Variants in RGS6 observed in about 807,000 individuals in gnomAD.
RGS6 encodes regulator of G-protein signaling 6.
In RGS6, 30 loss-of-function variants were observed where a neutral mutation model predicts 78.5. The ratio of observed to expected loss-of-function variants is 0.38; its 90% CI spans 0.29 to 0.52. The LOEUF (loss-of-function observed/expected upper bound fraction) is 0.52. Among genes scored for constraint, RGS6 ranks in the 20% least tolerant of loss-of-function variants. The pLI is 0.85. For synonymous variants in RGS6, 206 were observed against 206.0 expected, an observed-to-expected ratio of 1.00 and a Z score of 0.00; for missense variants, 495 against 609.7, an observed-to-expected ratio of 0.81 and a Z score of 1.98.
At chr14:72,413,166 G>A (rs566294662) in intron 3 of RGS6, among the ~76,000 whole-genome samples, 2 of 152,026 alleles carry the variant, frequency 1.3e-5, no homozygotes, top group Non-Finnish European at 2.9e-5. Flanking sequence ...TTGACAGTGG[G>A]GTGTTAAAGT....
In RGS6 at chr14:72,512,660, C is replaced by T. The variant is rs867928426; in HGVS notation, c.1091+2381C>T. Among the ~76,000 whole-genome samples the T allele has an allele frequency of 2.6e-5, 4 of 152,224 alleles. No individual in the cohort carries two copies. In the South Asian group the frequency reaches 8.3e-4, roughly 31 times the overall value. ...AGGGAGGAAAAGGATAGCCAAGAGC[C>T]TCTAAAATCCTCTCTGGATGCCCAA... On this transcript the variant is annotated intron_variant, in intron 14 of 17. Transcript: ENST00000553525.
At chr14:72,629,852 G>A in the RGS6 span, 10 of 855,534 alleles carry the variant, frequency 1.2e-5, no homozygotes, top group African/African-American at 1.7e-5. Context: ...GTAGCATGAC[G>A]TAGGGAAAAA....
intron 2 of RGS6, among the ~76,000 whole-genome samples, chr14:72,161,054 T>G (rs2096845488): frequency 6.6e-6 from 1 of 152,198 alleles, no homozygotes; most frequent in Admixed American, 6.5e-5. Flanking sequence ...TGGAATGCTA[T>G]GCAGCCATAA....
chr14:72,611,809 A>AG, the RGS6 span, among the ~76,000 whole-genome samples: 1 of 152,124 alleles, frequency 6.6e-6, no homozygotes, highest in Non-Finnish European at 1.5e-5. Flanking sequence ...CAGCCTCCAC[A>AG]GGGTAGAAAT....
intron 2 of RGS6, among the ~76,000 whole-genome samples, chr14:72,231,449 G>A (rs2049567298): frequency 6.6e-6 from 1 of 151,976 alleles, no homozygotes; most frequent in South Asian, 2.1e-4. Flanking sequence ...GCCAGGAACT[G>A]TTTTAGGTGC....
the RGS6 span, among the ~76,000 whole-genome samples, chr14:72,625,577 T>C: frequency 2.0e-5 from 3 of 152,188 alleles, no homozygotes; most frequent in Non-Finnish European, 2.9e-5. Flanking sequence ...ACCAATTCCT[T>C]GATGCCATGT....
chr14:71,886,854 C>T, the RGS6 span, among the ~76,000 whole-genome samples: 1 of 152,058 alleles, frequency 6.6e-6, no homozygotes, highest in African/African-American at 2.4e-5. Context: ...CTCGGGGACA[C>T]CTCAATGCAA....
intron 12 of RGS6, among the ~76,000 whole-genome samples, chr14:72,494,102 T>G (rs763133855): frequency 8.5e-5 from 13 of 152,216 alleles, no homozygotes; most frequent in Admixed American, 5.2e-4. Context: ...AGAGGATCTC[T>G]GGGAAACAAG....
chr14:72,419,498 CA>C lies in RGS6; in HGVS notation c.185-35027del, dbSNP rs1464826147. Among the ~76,000 whole-genome samples, 7 of 152,320 alleles carry C rather than the reference CA, an allele frequency of 4.6e-5. No homozygotes were observed. In the East Asian group the frequency reaches 1.4e-3, roughly 29 times the overall value. ...GAGACAGTGCGGGTATACCAGGAACCAAATCCTATCGGCTGAACATCAGTGT... is the reference window on the plus strand; with the variant it reads ...GAGACAGTGCGGGTATACCAGGAACCAATCCTATCGGCTGAACATCAGTGT... On this transcript the variant is annotated intron_variant, in intron 3 of 17. Coordinates refer to ENST00000553525, the MANE Select transcript of RGS6 (RefSeq NM_001204424.2).
chr14:72,510,977 A>C (rs2096871476), intron 14 of RGS6, among the ~76,000 whole-genome samples: 1 of 152,218 alleles, frequency 6.6e-6, no homozygotes, highest in Admixed American at 6.5e-5. Context: ...CCTCAGGTCC[A>C]ATATGAGAGG....
At chr14:72,359,862 T>C (rs1489389627) in intron 3 of RGS6, among the ~76,000 whole-genome samples, 1 of 152,058 alleles carries the variant, frequency 6.6e-6, no homozygotes. Flanking sequence ...ATTGCTGACC[T>C]TGGTAAGTGC....
rs896083506 is a variant in RGS6 at position 72,250,295 on chromosome 14, C to A, written c.85-101800C>A. ...GTTTAATGATTGTTGCACTCTCCTA[C>A]AAATTCTCTTTAAGGAAATTTTCCT... On this transcript the variant is annotated intron_variant, in intron 2 of 17. Coordinates refer to ENST00000553525, the MANE Select transcript of RGS6 (RefSeq NM_001204424.2). 2.7e-5 allele frequency among the ~76,000 whole-genome samples: 4 copies of A among 149,454 alleles called. No individual in the cohort carries two copies. In the Admixed American group the frequency reaches 2.7e-4, roughly 10 times the overall value.
rs561238844 is a variant in RGS6 at position 72,076,215 on chromosome 14, C to T, written c.84+111340C>T. 3.9e-4 allele frequency among the ~76,000 whole-genome samples: 59 copies of T among 152,354 alleles called. 1 individual carries two copies. In the South Asian group the frequency reaches 0.012, roughly 30 times the overall value. ...CACCTTAGCCTGTTCTTCACTCCGC[C>T]ATGATTGAAAGAGGAGAAAATATTC... is the stretch of plus-strand genomic sequence containing the variant. On this transcript the variant is annotated intron_variant, in intron 2 of 17. Coordinates refer to ENST00000553525, the MANE Select transcript of RGS6 (RefSeq NM_001204424.2).
At chr14:72,601,029 G>A in the RGS6 span, among the ~76,000 whole-genome samples, 1 of 149,828 alleles carries the variant, frequency 6.7e-6, no homozygotes, top group Admixed American at 6.6e-5. Flanking sequence ...GGAGGGGGAG[G>A]AGGAAGAGGA....
At chr14:71,878,316 C>T in the RGS6 span, among the ~76,000 whole-genome samples, 34 of 152,306 alleles carry the variant, frequency 2.2e-4, no homozygotes, top group East Asian at 3.3e-3. Flanking sequence ...CCTTTAGCTG[C>T]GGTGGGCTCC....
At chr14:72,361,546 G>T (rs2081457107) in intron 3 of RGS6, among the ~76,000 whole-genome samples, 1 of 152,248 alleles carries the variant, frequency 6.6e-6, no homozygotes, top group Non-Finnish European at 1.5e-5. Flanking sequence ...GTGATTATTG[G>T]CAGGGACAAT....
upstream of RGS6, chr14:71,932,417 G>A (rs1033767025): frequency 6.6e-6 from 1 of 151,584 alleles, no homozygotes; most frequent in Admixed American, 6.6e-5. Context: ...GCAGCTCGCG[G>A]GCCGCGGAGC....
chr14:72,330,992 A>G (rs2074892513), intron 2 of RGS6, among the ~76,000 whole-genome samples: 1 of 152,180 alleles, frequency 6.6e-6, no homozygotes, highest in Admixed American at 6.5e-5. Flanking sequence ...CATTGACAAC[A>G]TAGACAGAGC....
intron 2 of RGS6, among the ~76,000 whole-genome samples, chr14:72,108,938 A>G (rs760201451): frequency 7.2e-5 from 11 of 152,068 alleles, no homozygotes; most frequent in Admixed American, 2.6e-4. Context: ...TCCTTAAGCA[A>G]TAATGTGTGG....
Sources: gnomAD v4.1 joint callset for allele counts (sites outside exome capture counted in the v4.1 genomes callset) on GRCh38, gnomAD v4.1.1 for gene constraint, MANE v1.5 for transcripts, NCBI Gene and HGNC (gene_info 2026-07-23, HGNC 2026-07-21) for gene names.